INPP4B: variants seen among roughly 807,000 people sequenced by gnomAD.
INPP4B encodes inositol polyphosphate-4-phosphatase type II B.
INPP4B carries 55 observed loss-of-function variants against 122.5 expected under a neutral mutation model. That is an observed-to-expected ratio of 0.45 (90% CI 0.36 to 0.56). The LOEUF is 0.56. INPP4B is among the 20% of genes least tolerant of loss of function. The pLI, the probability that INPP4B is intolerant of heterozygous loss-of-function variation, is 0.00. For missense variants in INPP4B, 1,000 were observed against 1,097.7 expected, an observed-to-expected ratio of 0.91 and a Z score of 1.26; for synonymous variants, 403 against 388.7, an observed-to-expected ratio of 1.04 and a Z score of -0.43.
At chr4:142,671,883 C>T (rs1469442388) in intron 2 of INPP4B, among the ~76,000 whole-genome samples, 2 of 152,098 alleles carry the variant, frequency 1.3e-5, no homozygotes, top group South Asian at 2.1e-4. Context: ...AATTCCATCA[C>T]CCCAAAATAT....
At chr4:142,167,409 G>T (rs998541763) in intron 16 of INPP4B, among the ~76,000 whole-genome samples, 1 of 151,824 alleles carries the variant, frequency 6.6e-6, no homozygotes, top group Non-Finnish European at 1.5e-5. Context: ...GTATGGTAGG[G>T]AGGGAGAGTA....
At chr4:142,112,480 T>C in intron 22 of INPP4B, 62 bp downstream of exon 22, 1 of 1,557,092 alleles carries the variant, frequency 6.4e-7, no homozygotes, top group Non-Finnish European at 8.8e-7. Context: ...ATGGGACTTC[T>C]CATCATATGC....
intron 1 of INPP4B, among the ~76,000 whole-genome samples, chr4:142,740,084 A>G (rs1231784228): frequency 6.6e-6 from 1 of 152,070 alleles, no homozygotes; most frequent in East Asian, 1.9e-4. Context: ...TAAAAATTAG[A>G]TAAAATTAAC....
intron 2 of INPP4B, among the ~76,000 whole-genome samples, chr4:142,669,051 G>T (rs973473499): frequency 6.6e-6 from 1 of 151,790 alleles, no homozygotes; most frequent in Non-Finnish European, 1.5e-5. Flanking sequence ...GCAAGACTCC[G>T]CCTCAAAAGA....
chr4:142,336,486 G>A (rs1163644349), intron 7 of INPP4B, among the ~76,000 whole-genome samples: 1 of 152,204 alleles, frequency 6.6e-6, no homozygotes, highest in East Asian at 1.9e-4. Flanking sequence ...TCTGTTCACT[G>A]CCCTGCAGGA....
intron 7 of INPP4B, among the ~76,000 whole-genome samples, chr4:142,402,261 T>A (rs915906470): frequency 5.9e-5 from 9 of 152,204 alleles, no homozygotes; most frequent in Admixed American, 4.6e-4. Flanking sequence ...AGGAGAGAAC[T>A]GCCTTCCCCT....
Position 142,752,136 on chromosome 4 carries a change from A to G in INPP4B, c.-253-26235T>C, listed in dbSNP as rs535363327. ...TCCTCTAAGACCTACTTAAGGAAGT[A>G]GACTTTTTTTTAGAGCTGTAGAATG... On this transcript the variant is annotated intron_variant, in intron 1 of 25. Coordinates refer to ENST00000262992, the MANE Select transcript of INPP4B (RefSeq NM_001101669.3). Among the ~76,000 whole-genome samples the G allele has an allele frequency of 2.9e-4, 44 of 152,238 alleles. No individual in the cohort carries two copies. The South Asian group carries it at 8.7e-3, about 30-fold the overall frequency.
chr4:142,393,935 C>A (rs1428573707), intron 7 of INPP4B, among the ~76,000 whole-genome samples: 1 of 152,242 alleles, frequency 6.6e-6, no homozygotes, highest in Non-Finnish European at 1.5e-5. Context: ...GATTCTGAAT[C>A]TTTCATTGCT....
intron 23 of INPP4B, among the ~76,000 whole-genome samples, chr4:142,098,366 A>C (rs1782945821): frequency 2.0e-5 from 3 of 151,890 alleles, no homozygotes; most frequent in African/African-American, 7.2e-5. Flanking sequence ...CAACAACAAA[A>C]AAAAAACTAA....
intron 21 of INPP4B, among the ~76,000 whole-genome samples, chr4:142,113,583 A>G (rs933181059): frequency 3.9e-5 from 6 of 151,992 alleles, no homozygotes; most frequent in Non-Finnish European, 8.8e-5. Flanking sequence ...CTTTCTACCT[A>G]TGAAATAGAG....
intron 1 of INPP4B, among the ~76,000 whole-genome samples, chr4:142,728,683 T>C (rs1765660062): frequency 6.6e-6 from 1 of 152,016 alleles, no homozygotes; most frequent in Admixed American, 6.5e-5. Flanking sequence ...ATCTACAAGC[T>C]AAGGAATGCC....
chr4:142,406,670 C>CT (rs1002487770), intron 5 of INPP4B, among the ~76,000 whole-genome samples: 3 of 152,052 alleles, frequency 2.0e-5, no homozygotes, highest in Non-Finnish European at 2.9e-5. Context: ...TTGTCATATA[C>CT]TTTTTTTTCC....
At chr4:142,029,684 C>A (rs1738590396) in intron 25 of INPP4B, 4 of 985,616 alleles carry the variant, frequency 4.1e-6, no homozygotes, top group East Asian at 1.1e-4. Flanking sequence ...AAAAAAATTT[C>A]TATCAGCAGA....
chr4:142,367,816 T>A (rs1788144331), intron 7 of INPP4B, among the ~76,000 whole-genome samples: 1 of 152,130 alleles, frequency 6.6e-6, no homozygotes, highest in African/African-American at 2.4e-5. Flanking sequence ...AGTTTATTTA[T>A]TTGGCCAGAT....
chr4:142,727,771 G>A (rs771544901), intron 1 of INPP4B, among the ~76,000 whole-genome samples: 33 of 152,128 alleles, frequency 2.2e-4, no homozygotes, highest in African/African-American at 4.6e-4. Flanking sequence ...CTAGCTATTC[G>A]AAAGGCTGAG....
chr4:142,707,778 T>C (rs759103063), intron 2 of INPP4B, among the ~76,000 whole-genome samples: 1 of 152,186 alleles, frequency 6.6e-6, no homozygotes, highest in Non-Finnish European at 1.5e-5. Flanking sequence ...TACAGAAAAT[T>C]GGTAGCAGGA....
At chr4:142,435,210 T>C (rs915030694) in intron 3 of INPP4B, among the ~76,000 whole-genome samples, 5 of 152,180 alleles carry the variant, frequency 3.3e-5, no homozygotes, top group Admixed American at 2.0e-4. Flanking sequence ...TAAAGATACT[T>C]AAACACAAGT....
intron 2 of INPP4B, among the ~76,000 whole-genome samples, chr4:142,662,503 T>A (rs1755389450): frequency 6.6e-6 from 1 of 152,124 alleles, no homozygotes. Flanking sequence ...GCTGCACAAT[T>A]AGAGATACAC....
intron 2 of INPP4B, among the ~76,000 whole-genome samples, chr4:142,503,919 C>T (rs1455774646): frequency 6.6e-6 from 1 of 151,960 alleles, no homozygotes; most frequent in Admixed American, 6.6e-5. Flanking sequence ...TTATTCCCAT[C>T]CTTCACCATA....
Sources: gnomAD v4.1 joint callset for allele counts (sites outside exome capture counted in the v4.1 genomes callset) on GRCh38, gnomAD v4.1.1 for gene constraint, MANE v1.5 for transcripts, NCBI Gene and HGNC (gene_info 2026-07-23, HGNC 2026-07-21) for gene names.